The following ITGA11 variants were observed in gnomAD, a reference collection of about 807,000 sequenced individuals.
ITGA11 encodes integrin subunit alpha 11, also known as integrin alpha-11.
ITGA11 carries 97 observed loss-of-function variants against 141.9 expected under a neutral mutation model. The observed-to-expected ratio is 0.68, with a 90% CI of 0.58 to 0.81. The LOEUF (loss-of-function observed/expected upper bound fraction) is 0.81, where lower values mean the gene tolerates loss of function less well. ITGA11 is among the 30% of genes least tolerant of loss of function. The pLI, the probability that ITGA11 is intolerant of heterozygous loss-of-function variation, is 0.00. For synonymous variants in ITGA11, 658 were observed against 624.6 expected, an observed-to-expected ratio of 1.05 and a Z score of -0.80; for missense variants, 1,387 against 1,559.2, an observed-to-expected ratio of 0.89 and a Z score of 1.86.
rs1479279250 is a variant in ITGA11 at position 68,332,032 on chromosome 15, C to A, written c.1597G>T (p.Asp533Tyr). Residue 533 changes from aspartate to tyrosine, a missense_variant, in exon 14 of 30, where the codon GAT becomes TAT. Asp to Tyr is a radical substitution (Grantham distance 160). Coordinates refer to ENST00000315757, the MANE Select transcript of ITGA11 (RefSeq NM_001004439.2). ...NLFVYNGTLK[D>Y]SHSYQNARFG... ...CGGGCATTCTGGTAACTGTGTGAAT[C>A]CTTTAGCGTTCCGTTATAAACAAAC... 1.9e-6 allele frequency: 3 copies of A among 1,608,964 alleles called. No individual in the cohort carries two copies. Among genetic ancestry groups the A allele is most frequent in the Non-Finnish European group, 2.5e-6 (3 of 1,177,664 alleles).
intron 1 of ITGA11, among the ~76,000 whole-genome samples, chr15:68,415,272 GT>G (rs1420616088): frequency 1.3e-5 from 2 of 152,162 alleles, no homozygotes; most frequent in Admixed American, 1.3e-4. Flanking sequence ...CTTTGTGCAG[GT>G]CAGAACGCAG....
At position 68,303,280 on chromosome 15, in the gene ITGA11, T is replaced by C. The variant is rs1893088284; in HGVS notation, c.3496-150A>G. ...TTCTGAGCACCCCCTCCTCCAGAAC[T>C]GCCTCTGTGGACTGGAACACAGTGG... On this transcript the variant is annotated intron_variant, in intron 29 of 29. Transcript: ENST00000315757. The surrounding 1 kb of genome is among the most constrained non-coding windows in gnomAD (Gnocchi z 5.3). 30 of 697,594 alleles carry C rather than the reference T, an allele frequency of 4.3e-5. No homozygotes were observed. In the South Asian group the frequency reaches 4.9e-4, roughly 11 times the overall value. 43.2% of individuals were successfully genotyped at this position (697,594 alleles called of 1,614,324 possible). A position where few individuals can be genotyped will look rare whatever the true frequency, so the allele number is the denominator to read the frequency against.
intron 2 of ITGA11, among the ~76,000 whole-genome samples, chr15:68,397,004 T>TATATA (rs1296759294): frequency 0.016 from 49 of 3,134 alleles, 21 homozygotes; most frequent in African/African-American, 0.13. Flanking sequence ...TAATATATAA[T>TATATA]ATATATTACT....
chr15:68,358,520 C>T lies in ITGA11; in HGVS notation c.538G>A (p.Glu180Lys). ...ATGTTGATGAGGAAGTGCTGAACCT[C>T]CACCCAGGGGTAGATGCTGTTGGAG... is the stretch of plus-strand genomic sequence containing the variant. ...DGSNSIYPWV[E>K]VQHFLINILK... is the part of the protein sequence containing the mutation. Residue 180 changes from glutamate (E) to lysine (K), a missense_variant, in exon 6 of 30, where the codon GAG (glutamate) becomes AAG (lysine). Physicochemically the swap from Glu to Lys is moderately conservative, Grantham distance 56. Transcript: ENST00000315757. 6.2e-7 allele frequency: 1 copy of T among 1,614,142 alleles called. No homozygotes were observed. The highest frequency in any genetic ancestry group is 8.5e-7 in the Non-Finnish European group (1 of 1,180,014).
intron 2 of ITGA11, among the ~76,000 whole-genome samples, chr15:68,396,878 A>G (rs1896255670): frequency 7.7e-6 from 1 of 130,070 alleles, no homozygotes; most frequent in South Asian, 2.2e-4. Context: ...TATTTATATT[A>G]AATATAACAT....
Position 68,371,939 on chromosome 15 carries a change from C to T in ITGA11, c.165-2655G>A, listed in dbSNP as rs531392473. Among the ~76,000 whole-genome samples, 31 of 152,230 alleles carry T rather than the reference C, an allele frequency of 2.0e-4. 1 individual carries two copies. In the South Asian group the frequency reaches 6.2e-3, roughly 31 times the overall value. ...AGGGCCACTCCCTGGGTCCCATCTCCACTCTCCCAGACCTCATTTCTCTGG... is the reference window on the plus strand; with the variant it reads ...AGGGCCACTCCCTGGGTCCCATCTCTACTCTCCCAGACCTCATTTCTCTGG... On this transcript the variant is annotated intron_variant, in intron 2 of 29. Coordinates refer to ENST00000315757, the MANE Select transcript of ITGA11 (RefSeq NM_001004439.2).
At chr15:68,352,015 G>A (rs747718656) in intron 7 of ITGA11, among the ~76,000 whole-genome samples, 2 of 151,516 alleles carry the variant, frequency 1.3e-5, no homozygotes, top group Admixed American at 6.6e-5. Flanking sequence ...CCCGGGAGGC[G>A]GAGGTTGCAG....
chr15:68,359,962 A>G (rs1304722903), intron 5 of ITGA11, among the ~76,000 whole-genome samples: 2 of 152,216 alleles, frequency 1.3e-5, no homozygotes, highest in Non-Finnish European at 2.9e-5. Flanking sequence ...AAGAGGCACT[A>G]TGTTGAAGTC....
At chr15:68,313,704 G>T in intron 23 of ITGA11, 75 bp downstream of exon 23, 2 of 1,139,282 alleles carry the variant, frequency 1.8e-6, no homozygotes, top group Non-Finnish European at 2.6e-6. Context: ...CCCATCAGAG[G>T]ATGCCCCCCC....
chr15:68,305,164 A>C lies in ITGA11; in HGVS notation c.3382-1279T>G, dbSNP rs1893152050. 6.6e-6 allele frequency among the ~76,000 whole-genome samples: 1 copy of C among 152,172 alleles called. No individual in the cohort carries two copies. Among genetic ancestry groups the C allele is most frequent in the African/African-American group, 2.4e-5 (1 of 41,444 alleles). ...TCCAGCTTTCAGCCACCTGGCCTCC[A>C]GCATGCATGCCATGGCGTGCCTGCT... is the stretch of plus-strand genomic sequence containing the variant. On this transcript the variant is annotated intron_variant, in intron 28 of 29. Coordinates refer to ENST00000315757, the MANE Select transcript of ITGA11 (RefSeq NM_001004439.2). This position sits in a 1 kb window ranked among gnomAD's most constrained non-coding sequence, Gnocchi z 4.6.
chr15:68,422,777 T>C (rs750113689), intron 1 of ITGA11, among the ~76,000 whole-genome samples: 1 of 152,202 alleles, frequency 6.6e-6, no homozygotes, highest in Non-Finnish European at 1.5e-5. Flanking sequence ...CTAACCCTCT[T>C]GCTGCCAGAC....
At chr15:68,353,629 T>C (rs1031032043) in intron 7 of ITGA11, among the ~76,000 whole-genome samples, 10 of 152,186 alleles carry the variant, frequency 6.6e-5, no homozygotes, top group African/African-American at 2.4e-4. Flanking sequence ...AGATTTTAAA[T>C]TCGGATTCTG....
chr15:68,397,506 TA>T (rs1241454484), intron 2 of ITGA11, among the ~76,000 whole-genome samples: 1 of 98,272 alleles, frequency 1.0e-5, no homozygotes, highest in African/African-American at 4.3e-5. Context: ...TAAAATATTT[TA>T]AAATATATTT....
In ITGA11 at chr15:68,325,072, TGAGGTG is replaced by T; in HGVS notation, c.2322+53_2322+58del. The T allele has an allele frequency of 8.4e-7, 1 of 1,196,392 alleles. No individual in the cohort carries two copies. Among genetic ancestry groups the T allele is most frequent in the Non-Finnish European group, 1.2e-6 (1 of 813,862 alleles). 74.1% of individuals were successfully genotyped at this position (1,196,392 alleles called of 1,614,324 possible). A position where few individuals can be genotyped will look rare whatever the true frequency, so the allele number is the denominator to read the frequency against. Reference sequence around the variant, plus strand: ...ACACTCAGGCTCTGGGCTTTGGGGTTGAGGTGGAGGTGGGGGTGGGGTTCATGCCCG... The same window carrying T: ...ACACTCAGGCTCTGGGCTTTGGGGTTGAGGTGGGGGTGGGGTTCATGCCCG... On this transcript the variant is annotated intron_variant, in intron 18 of 29. Transcript: ENST00000315757. The surrounding 1 kb of genome is among the most constrained non-coding windows in gnomAD (Gnocchi z 5.5).
chr15:68,357,432 C>T, intron 6 of ITGA11, 133 bp from the exon 7 acceptor site: 3 of 1,074,598 alleles, frequency 2.8e-6, no homozygotes, highest in Non-Finnish European at 3.9e-6. Flanking sequence ...AGGACCTTTC[C>T]AAGAAAGTAA....
At chr15:68,373,059 G>C (rs938488809) in intron 2 of ITGA11, among the ~76,000 whole-genome samples, 1 of 151,754 alleles carries the variant, frequency 6.6e-6, no homozygotes, top group African/African-American at 2.4e-5. Context: ...TTTTATTTCT[G>C]TACTGCAGTA....
At chr15:68,376,301 CT>C (rs1489948482) in intron 2 of ITGA11, among the ~76,000 whole-genome samples, 4 of 151,894 alleles carry the variant, frequency 2.6e-5, no homozygotes, top group African/African-American at 9.7e-5. Context: ...TAGGGCTCAT[CT>C]TCAAGGCCAG....
intron 19 of ITGA11, among the ~76,000 whole-genome samples, chr15:68,320,818 T>C (rs1893780810): frequency 6.6e-6 from 1 of 152,254 alleles, no homozygotes. Flanking sequence ...TTCTCTTTAT[T>C]ATCTATGTCA....
At chr15:68,338,188 C>T (rs983251338) in intron 11 of ITGA11, among the ~76,000 whole-genome samples, 4 of 152,246 alleles carry the variant, frequency 2.6e-5, no homozygotes. Flanking sequence ...ACGAGTCATT[C>T]TAGTTTCTAG....
Sources: gnomAD v4.1 joint callset for allele counts (sites outside exome capture counted in the v4.1 genomes callset) on GRCh38, gnomAD v4.1.1 for gene constraint, Gnocchi (gnomAD v3.1) non-coding constraint, MANE v1.5 for transcripts, NCBI Gene and HGNC (gene_info 2026-07-23, HGNC 2026-07-21) for gene names.